Variants in BEAN1 observed in about 807,000 individuals in gnomAD.
BEAN1 encodes the protein protein BEAN1.
A neutral mutation model predicts 17.7 loss-of-function variants in BEAN1; 17 were observed. That is an observed-to-expected ratio of 0.96 (90% CI 0.66 to 1.44). The LOEUF (loss-of-function observed/expected upper bound fraction) is 1.44, where lower values mean the gene tolerates loss of function less well. BEAN1 is among the 40% of genes most tolerant of loss of function. BEAN1 has a pLI of 0.00. For missense variants in BEAN1, 359 were observed against 374.1 expected (o/e 0.96, Z 0.33); for synonymous variants, 142 against 151.8 (o/e 0.94, Z 0.47).
chr16:66,427,500 C>A lies in BEAN1; in HGVS notation c.-83+69C>A, dbSNP rs1210752145. 1.3e-5 allele frequency: 2 copies of A among 151,556 alleles called. No homozygotes were observed. Among genetic ancestry groups the A allele is most frequent in the Non-Finnish European group, 2.9e-5 (2 of 67,806 alleles). The allele number at this position is 151,556 out of a possible 1,614,324, so 9.4% of individuals were successfully genotyped here. A position where few individuals can be genotyped will look rare whatever the true frequency, so the allele number is the denominator to read the frequency against. On this transcript the variant is annotated intron_variant, in intron 1 of 4. Coordinates refer to ENST00000536005, the MANE Select transcript of BEAN1 (RefSeq NM_001178020.3). The surrounding 1 kb of genome is among the most constrained non-coding windows in gnomAD (Gnocchi z 4.7). ...GGGGTCCCGGCCCCATTCCCCCGCG[C>A]TCTGCGGTGGTACCGGCGAACGACA...
intron 2 of BEAN1, among the ~76,000 whole-genome samples, chr16:66,464,754 G>A (rs1485440181): frequency 2.0e-5 from 3 of 152,112 alleles, no homozygotes; most frequent in Non-Finnish European, 1.5e-5. Flanking sequence ...TATCAGTCTT[G>A]TATCTTGCAA....
chr16:66,477,845 G>A (rs1244186874), intron 4 of BEAN1, 135 bp downstream of exon 4: 6 of 1,049,116 alleles, frequency 5.7e-6, no homozygotes, highest in Non-Finnish European at 7.8e-6. Context: ...AGTGGGCATG[G>A]CCACCTCCTC....
chr16:66,452,211 C>T (rs1282124002), intron 2 of BEAN1, among the ~76,000 whole-genome samples: 2 of 152,194 alleles, frequency 1.3e-5, no homozygotes, highest in African/African-American at 4.8e-5. Flanking sequence ...TGGTTTCTCT[C>T]GTCCTGCCTA....
downstream of BEAN1, chr16:66,484,903 T>G: frequency 2.2e-6 from 1 of 454,130 alleles, no homozygotes; most frequent in Non-Finnish European, 4.4e-6. The surrounding 1 kb of genome is among the most constrained non-coding windows in gnomAD (Gnocchi z 4.2). Flanking sequence ...CTGCCCCTTG[T>G]GGAGGCCAAA....
In BEAN1 at chr16:66,473,714, AAATAAAT is replaced by A. The variant is rs539379261; in HGVS notation, c.290-3829_290-3823del. On this transcript the variant is annotated intron_variant, in intron 3 of 4. Coordinates refer to ENST00000536005, the MANE Select transcript of BEAN1 (RefSeq NM_001178020.3). This position sits in a 1 kb window ranked among gnomAD's most constrained non-coding sequence, Gnocchi z 4.5. ...CCTGTCTCTAAATAAATAAATAAAT[AAATAAAT>A]AATAAATAATAAATAAAGAGGGAGG... is the stretch of plus-strand genomic sequence containing the variant. Among the ~76,000 whole-genome samples, 12 of 151,930 alleles carry A rather than the reference AAATAAAT, an allele frequency of 7.9e-5. No individual in the cohort carries two copies. Among genetic ancestry groups the A allele is most frequent in the East Asian group, 3.9e-4 (2 of 5,168 alleles).
Position 66,437,675 on chromosome 16 carries a change from A to G in BEAN1, c.-2A>G. 8 of 1,535,970 alleles carry G rather than the reference A, an allele frequency of 5.2e-6. No individual in the cohort carries two copies. The highest frequency in any genetic ancestry group is 7.0e-6 in the Non-Finnish European group (8 of 1,146,804). On this transcript the variant is annotated 5_prime_UTR_variant, in exon 2 of 5. Transcript: ENST00000536005. ...GCTCCGCTGTTCTGCTCCAAGGATT[A>G]CATGTCCTTCAAACGTCCCTGCCCC...
intron 2 of BEAN1, among the ~76,000 whole-genome samples, chr16:66,454,729 C>CT (rs538469751): frequency 0.11 from 9,362 of 84,026 alleles, 373 homozygotes; most frequent in African/African-American, 0.18. Flanking sequence ...TTCTTTCTTT[C>CT]TTTTTTTTTT....
chr16:66,475,177 G>A (rs1463945673), intron 3 of BEAN1, among the ~76,000 whole-genome samples: 1 of 152,202 alleles, frequency 6.6e-6, no homozygotes, highest in Non-Finnish European at 1.5e-5. Flanking sequence ...CAGGAGAGAA[G>A]GGAAAAGAAG....
chr16:66,459,963 A>AT (rs944515021), intron 2 of BEAN1, among the ~76,000 whole-genome samples: 1 of 152,170 alleles, frequency 6.6e-6, no homozygotes, highest in African/African-American at 2.4e-5. Flanking sequence ...GGACGGAAGG[A>AT]TGGGCCAATG....
At chr16:66,468,957 G>A (rs1401602835) in intron 2 of BEAN1, among the ~76,000 whole-genome samples, 1 of 152,042 alleles carries the variant, frequency 6.6e-6, no homozygotes, top group East Asian at 1.9e-4. Context: ...CATCCTCCCT[G>A]GAAGTCCCCT....
intron 2 of BEAN1, among the ~76,000 whole-genome samples, chr16:66,465,025 T>G (rs1225397208): frequency 6.6e-6 from 1 of 152,230 alleles, no homozygotes; most frequent in African/African-American, 2.4e-5. Context: ...CCATGTTATC[T>G]GTGAGTCTTT....
intron 2 of BEAN1, among the ~76,000 whole-genome samples, chr16:66,442,579 T>C (rs1451407257): frequency 1.3e-5 from 2 of 152,142 alleles, no homozygotes; most frequent in Non-Finnish European, 2.9e-5. Context: ...TGGGTGGGCT[T>C]GGATCTCCCT....
At chr16:66,456,691 T>C (rs4783595) in intron 2 of BEAN1, among the ~76,000 whole-genome samples, 20,173 of 152,202 alleles carry the variant, frequency 0.13, 1,528 homozygotes, top group South Asian at 0.26. Context: ...TCTGCAGAAA[T>C]AGGGAAAAGT....
intron 2 of BEAN1, among the ~76,000 whole-genome samples, chr16:66,439,538 G>A (rs1962165886): frequency 6.6e-6 from 1 of 152,156 alleles, no homozygotes; most frequent in African/African-American, 2.4e-5. Flanking sequence ...ATTGGAAGCT[G>A]GGTCCATCTC....
intron 1 of BEAN1, among the ~76,000 whole-genome samples, chr16:66,430,600 G>T (rs1401948339): frequency 6.6e-6 from 1 of 152,140 alleles, no homozygotes; most frequent in East Asian, 1.9e-4. Context: ...ATTGTCCACA[G>T]GCTATAGAAT....
chr16:66,443,274 C>T (rs1478651710), intron 2 of BEAN1, among the ~76,000 whole-genome samples: 1 of 152,186 alleles, frequency 6.6e-6, no homozygotes, highest in African/African-American at 2.4e-5. Context: ...ATTTACAAGG[C>T]CTTATGATCA....
downstream of BEAN1, among the ~76,000 whole-genome samples, chr16:66,493,686 C>T (rs1225713613): frequency 6.6e-6 from 1 of 152,174 alleles, no homozygotes; most frequent in Non-Finnish European, 1.5e-5. Context: ...AGAAAAGTCA[C>T]CATTCTCAGC....
intron 2 of BEAN1, among the ~76,000 whole-genome samples, chr16:66,450,700 G>A (rs544117311): frequency 6.6e-6 from 1 of 152,096 alleles, no homozygotes; most frequent in Non-Finnish European, 1.5e-5. Flanking sequence ...GCTCCAGCCT[G>A]GGTGACAGAG....
At chr16:66,440,386 C>T (rs1962210037) in intron 2 of BEAN1, among the ~76,000 whole-genome samples, 1 of 152,176 alleles carries the variant, frequency 6.6e-6, no homozygotes, top group South Asian at 2.1e-4. Flanking sequence ...CTGCGTTGGC[C>T]TCCCAAAGAG....
Sources: gnomAD v4.1 joint callset for allele counts (sites outside exome capture counted in the v4.1 genomes callset) on GRCh38, gnomAD v4.1.1 for gene constraint, Gnocchi (gnomAD v3.1) non-coding constraint, MANE v1.5 for transcripts, NCBI Gene and HGNC (gene_info 2026-07-23, HGNC 2026-07-21) for gene names.